RIMS2: variants seen among roughly 807,000 people sequenced by gnomAD.
The protein encoded by RIMS2 is regulating synaptic membrane exocytosis 2.
RIMS2 carries 59 observed loss-of-function variants against 174.4 expected under a neutral mutation model. That is an observed-to-expected ratio of 0.34 (90% CI 0.27 to 0.42). RIMS2 has a LOEUF of 0.42. Among genes scored for constraint, RIMS2 ranks in the 10% least tolerant of loss-of-function variants. RIMS2 has a pLI of 1.00. For synonymous variants in RIMS2, 606 were observed against 572.5 expected, an observed-to-expected ratio of 1.06 and a Z score of -0.84; for missense variants, 1,620 against 1,666.3, an observed-to-expected ratio of 0.97 and a Z score of 0.48.
intron 1 of RIMS2, among the ~76,000 whole-genome samples, chr8:103,522,395 G>A (rs1586728450): frequency 2.0e-5 from 3 of 151,922 alleles, no homozygotes; most frequent in African/African-American, 4.8e-5. Flanking sequence ...AAATAGCCTC[G>A]GTAAAATAGA....
chr8:103,888,601 T>C (rs1471968395), intron 4 of RIMS2, among the ~76,000 whole-genome samples: 1 of 151,588 alleles, frequency 6.6e-6, no homozygotes, highest in East Asian at 1.9e-4. Context: ...CACATAAAAA[T>C]GTAAAAAACT....
At chr8:103,629,579 C>T (rs2095864057) in intron 1 of RIMS2, among the ~76,000 whole-genome samples, 1 of 152,066 alleles carries the variant, frequency 6.6e-6, no homozygotes, top group South Asian at 2.1e-4. Context: ...GTAAAAGGTA[C>T]AGGATACCAT....
intron 1 of RIMS2, among the ~76,000 whole-genome samples, chr8:103,502,825 G>A (rs1025538572): frequency 6.6e-6 from 1 of 151,892 alleles, no homozygotes; most frequent in Non-Finnish European, 1.5e-5. Flanking sequence ...TTTCTTCATA[G>A]TAGAAATACT....
chr8:103,612,253 G>C (rs1472435874), intron 1 of RIMS2, among the ~76,000 whole-genome samples: 1 of 152,176 alleles, frequency 6.6e-6, no homozygotes, highest in Non-Finnish European at 1.5e-5. Context: ...TGTCTGACAG[G>C]TCACATGTCT....
intron 3 of RIMS2, among the ~76,000 whole-genome samples, chr8:103,850,801 C>T (rs954276432): frequency 1.3e-5 from 2 of 152,012 alleles, no homozygotes; most frequent in Non-Finnish European, 2.9e-5. Flanking sequence ...CTCTGTTGCA[C>T]ATGATCTTCT....
chr8:103,763,265 C>T lies in RIMS2; in HGVS notation c.388-2962C>T, dbSNP rs145228943. Among the ~76,000 whole-genome samples the T allele has an allele frequency of 1.0e-3, 154 of 152,128 alleles. 1 individual carries two copies. The highest frequency in any genetic ancestry group is 3.5e-3 in the African/African-American group (146 of 41,516). On this transcript the variant is annotated intron_variant, in intron 2 of 23. Transcript: ENST00000504942. ...CCAGCCTGGGCAACATAGTGAAACC[C>T]CATCTCTACAAAAATACAAAAATTA...
intron 1 of RIMS2, among the ~76,000 whole-genome samples, chr8:103,520,680 C>T (rs924876849): frequency 6.6e-6 from 1 of 151,912 alleles, no homozygotes; most frequent in African/African-American, 2.4e-5. Flanking sequence ...CACATCTAAG[C>T]CCTGCTATGG....
chr8:103,786,599 C>G (rs1418420785), intron 3 of RIMS2, among the ~76,000 whole-genome samples: 1 of 152,102 alleles, frequency 6.6e-6, no homozygotes, highest in African/African-American at 2.4e-5. Context: ...GATTCTTAAT[C>G]CTGAGTTCTA....
chr8:103,901,020 C>G (rs1020977898), intron 4 of RIMS2, among the ~76,000 whole-genome samples: 1 of 152,096 alleles, frequency 6.6e-6, no homozygotes, highest in African/African-American at 2.4e-5. Flanking sequence ...TGTATCCATA[C>G]TCTGTGGCTA....
chr8:104,193,642 A>G (rs1563671019), intron 19 of RIMS2, among the ~76,000 whole-genome samples: 1 of 152,222 alleles, frequency 6.6e-6, no homozygotes, highest in African/African-American at 2.4e-5. Context: ...TTAACATGCC[A>G]ATATCAGTAC....
At chr8:103,686,148 A>G (rs1010928287) in intron 1 of RIMS2, among the ~76,000 whole-genome samples, 16 of 151,988 alleles carry the variant, frequency 1.1e-4, no homozygotes, top group Non-Finnish European at 2.9e-5. Flanking sequence ...TACTAAATAC[A>G]CGTGTAATTG....
intron 19 of RIMS2, among the ~76,000 whole-genome samples, chr8:104,211,024 A>C (rs1302044365): frequency 1.3e-5 from 2 of 152,168 alleles, no homozygotes; most frequent in African/African-American, 2.4e-5. Flanking sequence ...TCAGCTGAGG[A>C]CCTAGATTTT....
intron 3 of RIMS2, among the ~76,000 whole-genome samples, chr8:103,805,893 G>A (rs375253359): frequency 1.3e-4 from 20 of 152,064 alleles, no homozygotes; most frequent in African/African-American, 4.8e-4. Flanking sequence ...ATAAATTTTA[G>A]TTACATCTCT....
chr8:103,765,832 T>C (rs1591931780), intron 2 of RIMS2, among the ~76,000 whole-genome samples: 1 of 152,280 alleles, frequency 6.6e-6, no homozygotes, highest in East Asian at 1.9e-4. Flanking sequence ...TTTATAGATA[T>C]GAAGTTTCAG....
chr8:103,576,850 G>T (rs1316285369), intron 1 of RIMS2, among the ~76,000 whole-genome samples: 3 of 152,162 alleles, frequency 2.0e-5, no homozygotes, highest in Non-Finnish European at 4.4e-5. Flanking sequence ...AATCAATGGT[G>T]TTGGGAAAAC....
intron 19 of RIMS2, among the ~76,000 whole-genome samples, chr8:104,143,315 A>C (rs2098601271): frequency 6.6e-6 from 1 of 152,216 alleles, no homozygotes; most frequent in African/African-American, 2.4e-5. Flanking sequence ...ACCACATTTT[A>C]GGAAAGGAAT....
intron 3 of RIMS2, among the ~76,000 whole-genome samples, chr8:103,877,719 T>G (rs1358677059): frequency 1.3e-5 from 2 of 151,626 alleles, no homozygotes; most frequent in Non-Finnish European, 2.9e-5. Flanking sequence ...TTGAGGCTCT[T>G]TTTTTTTGTT....
chr8:103,988,262 T>C (rs1296340119), intron 16 of RIMS2, among the ~76,000 whole-genome samples: 1 of 152,168 alleles, frequency 6.6e-6, no homozygotes, highest in Non-Finnish European at 1.5e-5. Context: ...TGACATATGA[T>C]GATAAAGTGG....
In RIMS2 at chr8:103,948,843, A is replaced by G. The variant is rs184924311; in HGVS notation, c.2701+5917A>G. On this transcript the variant is annotated intron_variant, in intron 14 of 23. Coordinates refer to ENST00000504942, the Ensembl canonical transcript of RIMS2. ...TAAATTATACCTCAATTTTAGTCAAAGCCAGGCATGATGGCTCACACCTGT... is the reference window on the plus strand; with the variant it reads ...TAAATTATACCTCAATTTTAGTCAAGGCCAGGCATGATGGCTCACACCTGT... 5.3e-5 allele frequency among the ~76,000 whole-genome samples: 8 copies of G among 152,176 alleles called. No homozygotes were observed. In the East Asian group the frequency reaches 1.5e-3, roughly 29 times the overall value.
Sources: gnomAD v4.1 joint callset for allele counts (sites outside exome capture counted in the v4.1 genomes callset) on GRCh38, gnomAD v4.1.1 for gene constraint, MANE v1.5 for transcripts, NCBI Gene and HGNC (gene_info 2026-07-23, HGNC 2026-07-21) for gene names.